The following BCL9L variants were observed in gnomAD, a reference collection of about 807,000 sequenced individuals.
BCL9L encodes B-cell CLL/lymphoma 9-like protein.
In BCL9L, 19 loss-of-function variants were observed where a neutral mutation model predicts 99.4. That is an observed-to-expected ratio of 0.19 (90% CI 0.13 to 0.28). BCL9L has a LOEUF of 0.28. BCL9L is among the 10% of genes least tolerant of loss of function. The probability of loss-of-function intolerance (pLI) is 1.00; values close to 1 mark genes in which losing one functional copy is unlikely to be tolerated. For missense variants in BCL9L, 2,023 were observed against 2,101.6 expected (o/e 0.96, Z 0.73); for synonymous variants, 900 against 854.8 (o/e 1.05, Z -0.92).
rs769881421 is a variant in BCL9L, at chr11:118,900,919, A to T, written c.2824T>A (p.Ser942Thr). ...LKSPTLSQVHSPLVTSPSANL... is the reference protein window; with the variant it reads ...LKSPTLSQVHTPLVTSPSANL... ...GCAGAGGGCGAGGTGACCAGGGGTG[A>T]GTGCACCTGGCTAAGGGTGGGCGAC... The change falls in exon 8 of 10, where the codon TCA becomes ACA. Residue 942 changes from serine (S) to threonine (T), a missense_variant. Physicochemically the swap from Ser to Thr is moderately conservative, Grantham distance 58. Around this residue, in one of 3 missense-constraint regions of BCL9L, gnomAD observed 902 missense variants for 888.2 expected, o/e 1.02. Coordinates refer to ENST00000683865, the MANE Select transcript of BCL9L (RefSeq NM_001378213.1). The surrounding 1 kb of genome is among the most constrained non-coding windows in gnomAD (Gnocchi z 5.3). 88 of 1,577,362 alleles carry T rather than the reference A, an allele frequency of 5.6e-5. No homozygotes were observed. Among genetic ancestry groups the T allele is most frequent in the Non-Finnish European group, 7.3e-5 (85 of 1,158,918 alleles).
chr11:118,918,527 C>G (rs1373175106), intron 2 of BCL9L, among the ~76,000 whole-genome samples: 1 of 151,988 alleles, frequency 6.6e-6, no homozygotes, highest in East Asian at 1.9e-4. Context: ...GTGAGATCCG[C>G]TGAGATAGAG....
At chr11:118,912,992 C>T (rs1940853868) in intron 2 of BCL9L, among the ~76,000 whole-genome samples, 1 of 152,160 alleles carries the variant, frequency 6.6e-6, no homozygotes, top group Non-Finnish European at 1.5e-5. Flanking sequence ...CCACTCAGGT[C>T]ACTTCCTCTT....
In BCL9L at chr11:118,907,507, C is replaced by T. The variant is rs567905307; in HGVS notation, c.508G>A (p.Asp170Asn). ...WCSGPDSEED[D>N]KPIGATHNCN... ...CTGTGGGTGGCCCCAATGGGCTTGT[C>T]GTCCTCCTCACTGTCCGGTCCAGAG... is the stretch of plus-strand genomic sequence containing the variant. Residue 170 changes from aspartate (D) to asparagine (N), a missense_variant, in exon 5 of 10, where the codon GAC (aspartate) becomes AAC (asparagine). By Grantham distance (23) the Asp-to-Asn change is conservative (BLOSUM62 1). This residue lies in a region of BCL9L where 1,116 missense variants were observed against 1,194.6 expected (regional missense o/e 0.93). Coordinates refer to ENST00000683865, the MANE Select transcript of BCL9L (RefSeq NM_001378213.1). 1.1e-5 allele frequency: 18 copies of T among 1,614,208 alleles called. No individual in the cohort carries two copies. The highest frequency in any genetic ancestry group is 1.6e-4 in the Middle Eastern group (1 of 6,062).
Position 118,918,250 on chromosome 11 carries a change from C to T in BCL9L, c.-77+576G>A, listed in dbSNP as rs577502681. Among the ~76,000 whole-genome samples the T allele has an allele frequency of 6.7e-5, 10 of 150,064 alleles. No homozygotes were observed. In the South Asian group the frequency reaches 1.0e-3, roughly 16 times the overall value. On this transcript the variant is annotated intron_variant, in intron 2 of 9. Coordinates refer to ENST00000683865, the MANE Select transcript of BCL9L (RefSeq NM_001378213.1). ...TTGCTAAGTAAGGAAGGGGGGCTGG[C>T]GGAGGGAAGAGGCTGTGTGTGTGTG...
At position 118,898,312 on chromosome 11, in the gene BCL9L, CA is replaced by C; in HGVS notation, c.*102del. 17 of 686,064 alleles carry C rather than the reference CA, an allele frequency of 2.5e-5. No homozygotes were observed. The highest frequency in any genetic ancestry group is 4.2e-5 in the East Asian group (1 of 23,544). The allele number at this position is 686,064 out of a possible 1,614,324, so 42.5% of individuals were successfully genotyped here. On this transcript the variant is annotated 3_prime_UTR_variant, in exon 10 of 10. Transcript: ENST00000683865. ...TACACAAGCCCCCTCCCACCCCCTC[CA>C]CCCCACCCCGCGACCCAGGCCATCC...
rs1321646386 is a variant in BCL9L, at chr11:118,925,512, G to T, written c.-405C>A. On this transcript the variant is annotated 5_prime_UTR_variant, in exon 1 of 10. Transcript: ENST00000683865. This position sits in a 1 kb window ranked among gnomAD's most constrained non-coding sequence, Gnocchi z 6.4. ...TGGCGGGAGAGCGCGCACACCCGCC[G>T]GGGCCGGGGCGCGGGGCCGGGGTCT... 2.6e-5 allele frequency: 4 copies of T among 152,248 alleles called. No individual in the cohort carries two copies. Among genetic ancestry groups the T allele is most frequent in the Admixed American group, 1.3e-4 (2 of 15,310 alleles). 9.4% of individuals were successfully genotyped at this position (152,248 alleles called of 1,614,324 possible). A position where few individuals can be genotyped will look rare whatever the true frequency, so the allele number is the denominator to read the frequency against.
intron 1 of BCL9L, 71 bp from the exon 2 acceptor site, chr11:118,918,950 G>C (rs903828025): frequency 2.6e-5 from 4 of 151,370 alleles, no homozygotes; most frequent in Non-Finnish European, 5.9e-5. Context: ...CATCACCCCA[G>C]CACCCCCCAC....
Position 118,902,186 on chromosome 11 carries a change from G to T in BCL9L, c.1557C>A (p.Ala519=). Residue 519 remains alanine, a synonymous_variant, in exon 8 of 10, where the codon GCC becomes GCA. Coordinates refer to ENST00000683865, the MANE Select transcript of BCL9L (RefSeq NM_001378213.1). This position sits in a 1 kb window ranked among gnomAD's most constrained non-coding sequence, Gnocchi z 7.8. ...AGTACTCCTCCTGCAGCTTGCGCCA[G>T]GCCACCTGCTCAGGCGTGAGGCTGT... ...GQDSLTPEQV[A]WRKLQEEYYE... 3.1e-6 allele frequency: 5 copies of T among 1,614,120 alleles called. No homozygotes were observed. Among genetic ancestry groups the T allele is most frequent in the Non-Finnish European group, 4.2e-6 (5 of 1,180,014 alleles).
Position 118,899,399 on chromosome 11 carries a change from G to C in BCL9L, c.3516C>G (p.Pro1172=). ...GAGGGGTGGGGGAGGGCAGCATGGC[G>C]GGCGGGGGCTCATGGGACAGGGGCT... ...GQQPLSHEPP[P]AMLPSPTPLG... is the part of the protein sequence containing the mutation. The change falls in exon 10 of 10, where the codon CCC becomes CCG. Residue 1172 remains proline (P), a synonymous_variant. Transcript: ENST00000683865. The C allele has an allele frequency of 1.3e-6, 2 of 1,587,502 alleles. No homozygotes were observed. Among genetic ancestry groups the C allele is most frequent in the Non-Finnish European group, 1.7e-6 (2 of 1,168,436 alleles).
chr11:118,900,790 C>T lies in BCL9L; in HGVS notation c.2953G>A (p.Val985Ile). The change falls in exon 8 of 10, where the codon GTC becomes ATC. Residue 985 changes from valine (V) to isoleucine (I), a missense_variant. By Grantham distance (29) the Val-to-Ile change is conservative. Coordinates refer to ENST00000683865, the MANE Select transcript of BCL9L (RefSeq NM_001378213.1). The surrounding 1 kb of genome is among the most constrained non-coding windows in gnomAD (Gnocchi z 5.3). ...CTGGGCGAGCCAGTGGGTGAACGGA[C>T]ACTGAGGGAGGAGCCGAGGACCTGG... ...SPQVLGSSLSVRSPTGSPSRL... is the reference protein window; with the variant it reads ...SPQVLGSSLSIRSPTGSPSRL... The T allele has an allele frequency of 6.2e-7, 1 of 1,613,948 alleles. No individual in the cohort carries two copies. Among genetic ancestry groups the T allele is most frequent in the South Asian group, 1.1e-5 (1 of 91,088 alleles).
chr11:118,910,102 T>C, intron 2 of BCL9L, 87 bp from the exon 3 acceptor site: 1 of 917,592 alleles, frequency 1.1e-6, no homozygotes, highest in Non-Finnish European at 1.7e-6. Flanking sequence ...CCAACAGCCC[T>C]GGGACTAGGG....
intron 1 of BCL9L, among the ~76,000 whole-genome samples, chr11:118,923,306 C>T (rs944408389): frequency 6.6e-6 from 1 of 152,272 alleles, no homozygotes; most frequent in Non-Finnish European, 1.5e-5. Context: ...CCCCCTAGGC[C>T]CCTGCCCAGA....
At chr11:118,917,065 T>G (rs1940986506) in intron 2 of BCL9L, among the ~76,000 whole-genome samples, 2 of 152,172 alleles carry the variant, frequency 1.3e-5, no homozygotes, top group South Asian at 4.1e-4. Flanking sequence ...CTGGGCCTTC[T>G]CCAGGCCCCT....
rs1419324966 is a variant in BCL9L at position 118,900,860 on chromosome 11, C to T, written c.2883G>A (p.Met961Ile). The change falls in exon 8 of 10, where the codon ATG becomes ATA. Residue 961 changes from methionine to isoleucine, a missense_variant. Physicochemically the swap from Met to Ile is conservative, Grantham distance 10. Transcript: ENST00000683865. This position sits in a 1 kb window ranked among gnomAD's most constrained non-coding sequence, Gnocchi z 5.3. Reference protein sequence around the residue: ...NLKSPQTPSQMVPLPSANPPG... With the variant: ...NLKSPQTPSQIVPLPSANPPG... ...GCGGGTTGGCAGAAGGCAAGGGCACCATCTGTGAGGGAGTCTGGGGTGACT... is the reference window on the plus strand; with the variant it reads ...GCGGGTTGGCAGAAGGCAAGGGCACTATCTGTGAGGGAGTCTGGGGTGACT... 6.2e-7 allele frequency: 1 copy of T among 1,611,578 alleles called. No homozygotes were observed. The highest frequency in any genetic ancestry group is 8.5e-7 in the Non-Finnish European group (1 of 1,178,226).
In BCL9L at chr11:118,921,750, G is replaced by C. The variant is rs1369521519; in HGVS notation, c.-130-2871C>G. On this transcript the variant is annotated intron_variant, in intron 1 of 9. Coordinates refer to ENST00000683865, the MANE Select transcript of BCL9L (RefSeq NM_001378213.1). This position sits in a 1 kb window ranked among gnomAD's most constrained non-coding sequence, Gnocchi z 5.4. ...AGCCGCCCCTCCCCCTTGGCATGGA[G>C]AATCAGAGGGAACCTGTCTGTGTCC... 1.3e-5 allele frequency among the ~76,000 whole-genome samples: 2 copies of C among 152,020 alleles called. No homozygotes were observed. The highest frequency in any genetic ancestry group is 2.9e-5 in the Non-Finnish European group (2 of 67,982).
At chr11:118,912,017 G>A (rs1280619665) in intron 2 of BCL9L, among the ~76,000 whole-genome samples, 1 of 152,212 alleles carries the variant, frequency 6.6e-6, no homozygotes, top group Non-Finnish European at 1.5e-5. Context: ...CTCCCCTCCG[G>A]GACTCCACCC....
chr11:118,898,647 G>C lies in BCL9L; in HGVS notation c.4268C>G (p.Pro1423Arg), dbSNP rs1591972881. ...PHGLHQGVMS[P>R]PQGLMTQQNF... Reference sequence around the variant, plus strand: ...CTGCTGGGTCATGAGGCCTTGTGGAGGGGACATGACCCCCTGGTGCAGGCC... The same window carrying C: ...CTGCTGGGTCATGAGGCCTTGTGGACGGGACATGACCCCCTGGTGCAGGCC... Residue 1423 changes from proline (P) to arginine (R), a missense_variant, in exon 10 of 10, where the codon CCT becomes CGT. This residue lies in a region of BCL9L where 902 missense variants were observed against 888.2 expected (regional missense o/e 1.02). Transcript: ENST00000683865. 6.2e-7 allele frequency: 1 copy of C among 1,612,382 alleles called. No homozygotes were observed. Among genetic ancestry groups the C allele is most frequent in the African/African-American group, 1.3e-5 (1 of 75,066 alleles).
chr11:118,901,942 G>A lies in BCL9L; in HGVS notation c.1801C>T (p.Pro601Ser), dbSNP rs564465623. 3 of 1,613,026 alleles carry A rather than the reference G, an allele frequency of 1.9e-6. No homozygotes were observed. The highest frequency in any genetic ancestry group is 1.7e-6 in the Non-Finnish European group (2 of 1,179,686). The change falls in exon 8 of 10, where the codon CCC becomes TCC. Residue 601 changes from proline (P) to serine (S), a missense_variant. Around this residue, in one of 3 missense-constraint regions of BCL9L, gnomAD observed 1,116 missense variants for 1,194.6 expected, o/e 0.93. Coordinates refer to ENST00000683865, the MANE Select transcript of BCL9L (RefSeq NM_001378213.1). The surrounding 1 kb of genome is among the most constrained non-coding windows in gnomAD (Gnocchi z 6.6). Reference protein sequence around the residue: ...QLRGGPPFPGPRFPGNQIQRV... With the variant: ...QLRGGPPFPGSRFPGNQIQRV... Reference sequence around the variant, plus strand: ...TGTATCTGGTTGCCTGGGAAACGGGGCCCAGGAAAGGGAGGTCCGCCCCGG... The same window carrying A: ...TGTATCTGGTTGCCTGGGAAACGGGACCCAGGAAAGGGAGGTCCGCCCCGG...
chr11:118,899,816 G>A (rs897096325), intron 9 of BCL9L, 101 bp downstream of exon 9: 1 of 1,444,992 alleles, frequency 6.9e-7, no homozygotes, highest in Middle Eastern at 2.5e-4. Context: ...CACACCCAGG[G>A]CCTTCAGAGG....
Sources: gnomAD v4.1 joint callset for allele counts (sites outside exome capture counted in the v4.1 genomes callset) on GRCh38, gnomAD v4.1.1 for gene constraint, gnomAD v4.1.1 regional missense constraint, Gnocchi (gnomAD v3.1) non-coding constraint, MANE v1.5 for transcripts, NCBI Gene and HGNC (gene_info 2026-07-23, HGNC 2026-07-21) for gene names.